The following LRMDA variants were observed in gnomAD, a reference collection of about 807,000 sequenced individuals.
LRMDA encodes leucine rich melanocyte differentiation associated, also known as leucine-rich melanocyte differentiation-associated protein.
A neutral mutation model predicts 29.8 loss-of-function variants in LRMDA; 18 were observed. The observed-to-expected ratio is 0.60, with a 90% confidence interval of 0.42 to 0.90. The LOEUF (loss-of-function observed/expected upper bound fraction) is 0.90. Ranked by LOEUF, LRMDA falls within the 40% of genes least tolerant of loss-of-function variation. LRMDA has a pLI of 0.00. For synonymous variants in LRMDA, 125 were observed against 109.4 expected, an observed-to-expected ratio of 1.14 and a Z score of -0.89; for missense variants, 273 against 273.9, an observed-to-expected ratio of 1.00 and a Z score of 0.02.
intron 2 of LRMDA, among the ~76,000 whole-genome samples, chr10:75,541,110 C>G (rs1220954927): frequency 1.3e-5 from 2 of 152,186 alleles, no homozygotes; most frequent in Middle Eastern, 6.8e-3. Flanking sequence ...CCTAGGCAAC[C>G]GCAGCATTCA....
At chr10:75,447,093 G>A (rs567562142) in intron 2 of LRMDA, among the ~76,000 whole-genome samples, 13 of 152,318 alleles carry the variant, frequency 8.5e-5, no homozygotes, top group African/African-American at 2.6e-4. Flanking sequence ...AATTGTTAGT[G>A]AATTTTCAAT....
chr10:75,761,793 T>C (rs1843099244), intron 2 of LRMDA, among the ~76,000 whole-genome samples: 1 of 140,242 alleles, frequency 7.1e-6, no homozygotes, highest in Non-Finnish European at 1.5e-5. Flanking sequence ...GGTATACTTT[T>C]GTTTTTTTTT....
chr10:75,552,266 C>A (rs985017799), intron 2 of LRMDA, among the ~76,000 whole-genome samples: 2 of 151,970 alleles, frequency 1.3e-5, no homozygotes, highest in East Asian at 3.9e-4. Context: ...CTTTATCTTA[C>A]CTTCATTTTT....
chr10:76,222,203 G>T (rs927149303), intron 5 of LRMDA, among the ~76,000 whole-genome samples: 2 of 152,084 alleles, frequency 1.3e-5, no homozygotes, highest in Non-Finnish European at 2.9e-5. Context: ...CAGGACATAG[G>T]CATGGGCAAG....
intron 2 of LRMDA, among the ~76,000 whole-genome samples, chr10:75,518,059 T>C (rs934607551): frequency 7.3e-5 from 11 of 150,324 alleles, no homozygotes; most frequent in African/African-American, 2.5e-4. Context: ...CCCACTTGAT[T>C]GTGGTGGATA....
intron 2 of LRMDA, among the ~76,000 whole-genome samples, chr10:76,034,878 T>A (rs1235275078): frequency 6.6e-6 from 1 of 151,954 alleles, no homozygotes; most frequent in Middle Eastern, 3.2e-3. Flanking sequence ...GCTCAGCACA[T>A]CTCCTGGGTC....
At chr10:75,852,986 G>C (rs1844758454) in intron 2 of LRMDA, among the ~76,000 whole-genome samples, 1 of 152,140 alleles carries the variant, frequency 6.6e-6, no homozygotes, top group African/African-American at 2.4e-5. Context: ...GGCATCAAGA[G>C]AGAGAAATGC....
At chr10:76,062,654 C>CTGTGTGTGTGTGTG (rs1369528064) in intron 5 of LRMDA, among the ~76,000 whole-genome samples, 45 of 136,432 alleles carry the variant, frequency 3.3e-4, no homozygotes, top group Middle Eastern at 3.6e-3. Flanking sequence ...GACTTTATCT[C>CTGTGTGTGTGTGTG]TCTGTGTGTG....
intron 2 of LRMDA, among the ~76,000 whole-genome samples, chr10:75,863,908 G>T (rs1165583780): frequency 6.6e-6 from 1 of 152,122 alleles, no homozygotes; most frequent in African/African-American, 2.4e-5. Flanking sequence ...ATTTTTTAAT[G>T]TTTTTAAATT....
intron 2 of LRMDA, among the ~76,000 whole-genome samples, chr10:75,994,754 G>A (rs552689228): frequency 5.3e-5 from 8 of 152,228 alleles, no homozygotes; most frequent in African/African-American, 1.9e-4. Context: ...TTATCCTGAC[G>A]CATGTCAAGA....
intron 2 of LRMDA, among the ~76,000 whole-genome samples, chr10:75,839,209 T>C (rs1354628875): frequency 1.3e-5 from 2 of 152,222 alleles, no homozygotes; most frequent in Non-Finnish European, 2.9e-5. Context: ...ACACATTTGT[T>C]CGTAAAACTT....
At chr10:76,484,228 TCTC>T (rs1842760173) in intron 6 of LRMDA, among the ~76,000 whole-genome samples, 1 of 151,548 alleles carries the variant, frequency 6.6e-6, no homozygotes, top group South Asian at 2.1e-4. Context: ...TCCTCCATCT[TCTC>T]CTCCTTCTCC....
chr10:75,438,598 T>G (rs900368473), intron 2 of LRMDA, 104 bp downstream of exon 2: 117 of 843,616 alleles, frequency 1.4e-4, no homozygotes, highest in Non-Finnish European at 2.0e-4. Context: ...TCCACATGGG[T>G]TGTCCTTTTA....
chr10:75,928,170 G>A (rs926439615), intron 2 of LRMDA, among the ~76,000 whole-genome samples: 2 of 152,134 alleles, frequency 1.3e-5, no homozygotes, highest in South Asian at 2.1e-4. Flanking sequence ...TTGGGGTGGG[G>A]GGTGAATTCA....
At chr10:76,266,971 G>C (rs1564705385) in intron 5 of LRMDA, among the ~76,000 whole-genome samples, 1 of 152,058 alleles carries the variant, frequency 6.6e-6, no homozygotes, top group East Asian at 1.9e-4. Context: ...ATGGGAAAAT[G>C]ATACAGGAGG....
intron 2 of LRMDA, among the ~76,000 whole-genome samples, chr10:75,982,772 A>G (rs1176892705): frequency 6.6e-6 from 1 of 152,180 alleles, no homozygotes; most frequent in East Asian, 1.9e-4. Context: ...TTTATTCAGA[A>G]CAGAAAAGGA....
chr10:75,529,619 G>C (rs931383871), intron 2 of LRMDA, among the ~76,000 whole-genome samples: 2 of 152,218 alleles, frequency 1.3e-5, no homozygotes, highest in African/African-American at 4.8e-5. Flanking sequence ...TCCCCAGCAT[G>C]ATGAAGGTGC....
At chr10:75,956,964 A>G (rs1268108791) in intron 2 of LRMDA, among the ~76,000 whole-genome samples, 1 of 152,232 alleles carries the variant, frequency 6.6e-6, no homozygotes, top group African/African-American at 2.4e-5. Context: ...AACTGCTACC[A>G]CTGAAATCTT....
intron 6 of LRMDA, among the ~76,000 whole-genome samples, chr10:76,495,189 A>G (rs1842870257): frequency 6.6e-6 from 1 of 151,846 alleles, no homozygotes; most frequent in Non-Finnish European, 1.5e-5. Context: ...TGAGGTTTCG[A>G]TGGAGGTTCT....
Sources: allele counts gnomAD v4.1 joint callset (sites outside exome capture counted in the v4.1 genomes callset), GRCh38; gene constraint gnomAD v4.1.1; transcripts MANE v1.5; gene names NCBI Gene and HGNC (gene_info 2026-07-23, HGNC 2026-07-21).